Variants in CLVS1 observed in about 807,000 individuals in gnomAD.
CLVS1 encodes clavesin 1.
CLVS1 carries 10 observed loss-of-function variants against 33.1 expected under a neutral mutation model. The observed-to-expected ratio is 0.30, with a 90% confidence interval of 0.19 to 0.51. CLVS1 has a LOEUF of 0.51. CLVS1 is among the 20% of genes least tolerant of loss of function. CLVS1 has a pLI of 0.97. For missense variants in CLVS1, 343 were observed against 433.4 expected (o/e 0.79, Z 1.85); for synonymous variants, 163 against 166.1 (o/e 0.98, Z 0.14).
At chr8:61,218,226 A>G (rs2129308905) in intron 2 of CLVS1, among the ~76,000 whole-genome samples, 1 of 152,354 alleles carries the variant, frequency 6.6e-6, no homozygotes, top group East Asian at 1.9e-4. Flanking sequence ...CTGTATTCAA[A>G]AATAGTCACA....
chr8:61,181,013 A>G (rs1185495232), intron 2 of CLVS1, among the ~76,000 whole-genome samples: 1 of 152,252 alleles, frequency 6.6e-6, no homozygotes, highest in Non-Finnish European at 1.5e-5. Context: ...AGAAAGAAAT[A>G]AATGTATTTG....
intron 2 of CLVS1, among the ~76,000 whole-genome samples, chr8:61,193,480 C>T (rs936458559): frequency 5.3e-5 from 8 of 151,612 alleles, no homozygotes; most frequent in Admixed American, 4.6e-4. Flanking sequence ...TAACAAACCT[C>T]CACGTTGTGC....
intron 3 of CLVS1, among the ~76,000 whole-genome samples, chr8:61,414,652 G>A (rs1187693604): frequency 6.6e-6 from 1 of 152,118 alleles, no homozygotes; most frequent in African/African-American, 2.4e-5. Flanking sequence ...TGTCTTTACT[G>A]TTACCAACCT....
At chr8:61,240,277 G>A (rs906683069) in intron 2 of CLVS1, among the ~76,000 whole-genome samples, 1 of 151,942 alleles carries the variant, frequency 6.6e-6, no homozygotes, top group Non-Finnish European at 1.5e-5. Context: ...GTTCTCCCCC[G>A]TGCTCTCTGT....
chr8:61,282,644 G>A (rs757201984), intron 2 of CLVS1, among the ~76,000 whole-genome samples: 1 of 152,172 alleles, frequency 6.6e-6, no homozygotes, highest in Non-Finnish European at 1.5e-5. Flanking sequence ...ATTGCTGTGA[G>A]GATTCAATGC....
the CLVS1 span, among the ~76,000 whole-genome samples, chr8:60,989,581 G>C: frequency 6.6e-6 from 1 of 152,164 alleles, no homozygotes; most frequent in South Asian, 2.1e-4. Flanking sequence ...TATTGCTCTA[G>C]TCTGGGGGCT....
chr8:61,216,116 C>A (rs963602000), intron 2 of CLVS1, among the ~76,000 whole-genome samples: 1 of 152,182 alleles, frequency 6.6e-6, no homozygotes, highest in Non-Finnish European at 1.5e-5. Flanking sequence ...TCTTTATGGT[C>A]ATCGTGAATT....
chr8:61,202,442 T>C (rs1807753205), intron 2 of CLVS1: 2 of 785,652 alleles, frequency 2.5e-6, no homozygotes, highest in Non-Finnish European at 4.6e-6. Flanking sequence ...GATTGTCACT[T>C]TAAGGTGGAT....
chr8:61,040,534 C>A, the CLVS1 span, among the ~76,000 whole-genome samples: 12 of 152,308 alleles, frequency 7.9e-5, no homozygotes, highest in African/African-American at 2.4e-4. Flanking sequence ...GCCATTCTGA[C>A]TGGTGTGAGA....
chr8:61,436,955 C>A (rs1394038069), intron 3 of CLVS1, among the ~76,000 whole-genome samples: 1 of 152,074 alleles, frequency 6.6e-6, no homozygotes, highest in Non-Finnish European at 1.5e-5. Flanking sequence ...GTTTAAATAC[C>A]CTCTTCACAA....
chr8:61,085,173 T>G (rs1407952270), intron 1 of CLVS1, among the ~76,000 whole-genome samples: 2 of 152,210 alleles, frequency 1.3e-5, no homozygotes, highest in Non-Finnish European at 2.9e-5. Context: ...ACCATGATTC[T>G]AAGAGGGTTG....
At chr8:61,008,385 A>G in the CLVS1 span, among the ~76,000 whole-genome samples, 1 of 151,970 alleles carries the variant, frequency 6.6e-6, no homozygotes, top group Non-Finnish European at 1.5e-5. Flanking sequence ...TTTCTAAAAA[A>G]TGTGTTTTCT....
chr8:61,098,884 A>G (rs1371811395), intron 1 of CLVS1, among the ~76,000 whole-genome samples: 3 of 152,182 alleles, frequency 2.0e-5, no homozygotes, highest in African/African-American at 7.2e-5. Flanking sequence ...CCAAAAATGA[A>G]GCAAAAAAAA....
chr8:61,001,815 G>C, the CLVS1 span, among the ~76,000 whole-genome samples: 1 of 152,162 alleles, frequency 6.6e-6, no homozygotes, highest in Admixed American at 6.5e-5. Flanking sequence ...TGCACTGCTG[G>C]GACATTCTTC....
intron 1 of CLVS1, among the ~76,000 whole-genome samples, chr8:61,076,209 T>G (rs1432218007): frequency 6.6e-6 from 1 of 152,148 alleles, no homozygotes; most frequent in Non-Finnish European, 1.5e-5. Context: ...TCCTCCTCTC[T>G]CTCCCTTTTA....
At chr8:61,414,312 G>T (rs781632196) in intron 3 of CLVS1, among the ~76,000 whole-genome samples, 17 of 152,094 alleles carry the variant, frequency 1.1e-4, no homozygotes, top group Non-Finnish European at 2.4e-4. Context: ...GGCTGAAGTT[G>T]GATATGCCAG....
chr8:61,022,076 A>G, the CLVS1 span, among the ~76,000 whole-genome samples: 2 of 152,352 alleles, frequency 1.3e-5, no homozygotes, highest in East Asian at 3.9e-4. Flanking sequence ...AGTGTGATTT[A>G]TTATTCACCT....
At chr8:61,244,038 C>T (rs1478985283) in intron 2 of CLVS1, among the ~76,000 whole-genome samples, 1 of 152,078 alleles carries the variant, frequency 6.6e-6, no homozygotes, top group African/African-American at 2.4e-5. Flanking sequence ...TGTGGTCATT[C>T]ATAGAACGCA....
chr8:60,989,500 T>C, the CLVS1 span, among the ~76,000 whole-genome samples: 3 of 152,186 alleles, frequency 2.0e-5, no homozygotes, highest in Non-Finnish European at 4.4e-5. Context: ...ACAAGTGTTG[T>C]TGATTCCACC....
Sources: gnomAD v4.1 joint callset for allele counts (sites outside exome capture counted in the v4.1 genomes callset) on GRCh38, gnomAD v4.1.1 for gene constraint, MANE v1.5 for transcripts, NCBI Gene and HGNC (gene_info 2026-07-23, HGNC 2026-07-21) for gene names.